Variants in TMEM212 observed in about 807,000 individuals in gnomAD.
TMEM212 encodes the protein transmembrane protein 212.
TMEM212 carries 23 observed loss-of-function variants against 20.5 expected under a neutral mutation model. The ratio of observed to expected loss-of-function variants is 1.12; its 90% CI spans 0.81 to 1.59. The LOEUF (loss-of-function observed/expected upper bound fraction) is 1.59, where lower values mean the gene tolerates loss of function less well. Ranked by LOEUF, TMEM212 falls within the 40% of genes most tolerant of loss-of-function variation. The pLI is 0.00. For synonymous variants in TMEM212, 76 were observed against 81.6 expected, an observed-to-expected ratio of 0.93 and a Z score of 0.37; for missense variants, 211 against 215.0, an observed-to-expected ratio of 0.98 and a Z score of 0.12.
rs181560391 is a variant in TMEM212 at position 171,854,232 on chromosome 3, G to A, written c.543+382G>A. Among the ~76,000 whole-genome samples the A allele has an allele frequency of 1.9e-3, 283 of 152,078 alleles. 4 individuals are homozygous for A. The highest frequency in any genetic ancestry group is 2.9e-3 in the South Asian group (14 of 4,812). On this transcript the variant is annotated intron_variant, in intron 3 of 4. Transcript: ENST00000334567. ...AAAAATCCAAATCAGAAAGAAAGAA[G>A]CAAAATTGACTCTGTTTGCAGATGA...
At chr3:171,853,435 A>G in intron 2 of TMEM212, 92 bp from the exon 3 acceptor site, 1 of 1,051,992 alleles carries the variant, frequency 9.5e-7, no homozygotes, top group Non-Finnish European at 1.3e-6. Flanking sequence ...AGAGATTCAT[A>G]GCCAGCATCT....
chr3:171,857,470 T>C (rs1159009396), intron 4 of TMEM212, among the ~76,000 whole-genome samples: 1 of 152,202 alleles, frequency 6.6e-6, no homozygotes, highest in Non-Finnish European at 1.5e-5. Flanking sequence ...TAAAGCTCCA[T>C]TGACATTTGT....
At chr3:171,846,497 T>A (rs866595653) in intron 1 of TMEM212, among the ~76,000 whole-genome samples, 11 of 152,234 alleles carry the variant, frequency 7.2e-5, no homozygotes, top group South Asian at 2.1e-4. Flanking sequence ...TACTGCTGTA[T>A]CTGAAGAACT....
intron 1 of TMEM212, among the ~76,000 whole-genome samples, chr3:171,845,438 A>G (rs1033977582): frequency 6.6e-6 from 1 of 152,218 alleles, no homozygotes; most frequent in Non-Finnish European, 1.5e-5. Flanking sequence ...AAAGTTTAAC[A>G]ATATCATGAT....
chr3:171,856,972 C>A, intron 4 of TMEM212: 1 of 282,440 alleles, frequency 3.5e-6, no homozygotes, highest in Non-Finnish European at 6.6e-6. Flanking sequence ...CACCTAAGCC[C>A]ACAAAGTATA....
Position 171,858,366 on chromosome 3 carries a change from C to G in TMEM212, c.*309C>G, listed in dbSNP as rs537379061. 9.9e-5 allele frequency: 15 copies of G among 152,156 alleles called. No individual in the cohort carries two copies. The East Asian group carries it at 2.7e-3, about 27-fold the overall frequency. The allele number at this position is 152,156 out of a possible 1,614,324, so 9.4% of individuals were successfully genotyped here. A position where few individuals can be genotyped will look rare whatever the true frequency, so the allele number is the denominator to read the frequency against. ...AATGGTGCTGGGAAAACTGGTTAGC[C>G]ATATGTAGAAAGCTGAAACTGGATC... On this transcript the variant is annotated 3_prime_UTR_variant, in exon 5 of 5. Transcript: ENST00000334567.
At chr3:171,850,181 TCTCCCATGTC>T (rs1724941414) in intron 1 of TMEM212, among the ~76,000 whole-genome samples, 1 of 152,150 alleles carries the variant, frequency 6.6e-6, no homozygotes, top group Non-Finnish European at 1.5e-5. Context: ...CCCTATTCTA[TCTCCCATGTC>T]TGGCGGGGAG....
chr3:171,847,372 G>C (rs1560325134), intron 1 of TMEM212, among the ~76,000 whole-genome samples: 1 of 152,232 alleles, frequency 6.6e-6, no homozygotes, highest in Non-Finnish European at 1.5e-5. Flanking sequence ...GGTCACGCTA[G>C]ATTTAGTTTT....
intron 1 of TMEM212, 81 bp from the exon 2 acceptor site, chr3:171,851,901 T>C (rs1724985295): frequency 8.1e-7 from 1 of 1,241,982 alleles, no homozygotes. Flanking sequence ...ATGATAAAGT[T>C]GTCAAACTGT....
chr3:171,857,699 A>G (rs1725152551), intron 4 of TMEM212, among the ~76,000 whole-genome samples: 2 of 152,184 alleles, frequency 1.3e-5, no homozygotes, highest in Admixed American at 1.3e-4. Flanking sequence ...AGAAATAAAT[A>G]ATCTGATTTT....
chr3:171,844,859 C>T (rs543378478), intron 1 of TMEM212, among the ~76,000 whole-genome samples: 2 of 152,062 alleles, frequency 1.3e-5, no homozygotes, highest in African/African-American at 4.8e-5. Flanking sequence ...GAATAGCCCC[C>T]TATGTCGTTG....
intron 1 of TMEM212, among the ~76,000 whole-genome samples, chr3:171,850,920 A>G (rs1444051668): frequency 1.3e-5 from 2 of 152,188 alleles, no homozygotes; most frequent in Admixed American, 1.3e-4. Context: ...ATGCCAGGAA[A>G]ATGAAAAAGC....
At chr3:171,852,197 T>G (rs1387449251) in intron 2 of TMEM212, among the ~76,000 whole-genome samples, 156 bp downstream of exon 2, 2 of 152,134 alleles carry the variant, frequency 1.3e-5, no homozygotes, top group Non-Finnish European at 2.9e-5. Flanking sequence ...TAAACTCTGT[T>G]TTAAAAGATT....
At chr3:171,857,365 C>T (rs757709602) in intron 4 of TMEM212, among the ~76,000 whole-genome samples, 5 of 152,074 alleles carry the variant, frequency 3.3e-5, no homozygotes, top group African/African-American at 4.8e-5. Context: ...ACTACGACCC[C>T]GATCTGAGGC....
intron 1 of TMEM212, among the ~76,000 whole-genome samples, chr3:171,848,580 G>GATAGAATAGAATAGA (rs60136847): frequency 0.022 from 3,240 of 144,620 alleles, 78 homozygotes; most frequent in Admixed American, 0.034. Context: ...AATAGAATAG[G>GATAGAATAGAATAGA]ATAGAATAGA....
At chr3:171,854,000 A>C in intron 3 of TMEM212, 150 bp downstream of exon 3, 2 of 642,510 alleles carry the variant, frequency 3.1e-6, no homozygotes, top group South Asian at 4.3e-5. Context: ...ATAGGTACTG[A>C]ATAATTGTTT....
chr3:171,844,430 G>A (rs549936618), intron 1 of TMEM212, among the ~76,000 whole-genome samples: 43 of 152,274 alleles, frequency 2.8e-4, no homozygotes, highest in African/African-American at 8.7e-4. Flanking sequence ...CCACTTGGCC[G>A]GGCATGGTGG....
At chr3:171,854,821 G>A (rs1019944650) in intron 3 of TMEM212, among the ~76,000 whole-genome samples, 2 of 152,118 alleles carry the variant, frequency 1.3e-5, no homozygotes, top group African/African-American at 4.8e-5. Flanking sequence ...AGGACATAGA[G>A]CTCAGAAATA....
intron 1 of TMEM212, among the ~76,000 whole-genome samples, chr3:171,846,916 T>C (rs1724846687): frequency 6.6e-6 from 1 of 152,208 alleles, no homozygotes; most frequent in Non-Finnish European, 1.5e-5. Flanking sequence ...TTTGTACATT[T>C]CAACCATATT....
Sources: allele counts gnomAD v4.1 joint callset (sites outside exome capture counted in the v4.1 genomes callset), GRCh38; gene constraint gnomAD v4.1.1; transcripts MANE v1.5; gene names NCBI Gene and HGNC (gene_info 2026-07-23, HGNC 2026-07-21).